The following CFAP54 variants were observed in gnomAD, a reference collection of about 807,000 sequenced individuals.
CFAP54 encodes the protein cilia and flagella associated protein 54.
CFAP54 carries 290 observed loss-of-function variants against 370.4 expected under a neutral mutation model. The ratio of observed to expected loss-of-function variants is 0.78; its 90% CI spans 0.71 to 0.86. The LOEUF (loss-of-function observed/expected upper bound fraction) is 0.86. Among genes scored for constraint, CFAP54 ranks in the 40% least tolerant of loss-of-function variants. The pLI is 0.00. For missense variants in CFAP54, 3,399 were observed against 3,528.7 expected, an observed-to-expected ratio of 0.96 and a Z score of 0.93; for synonymous variants, 1,206 against 1,236.5, an observed-to-expected ratio of 0.98 and a Z score of 0.52.
At chr12:96,527,722 C>T (rs1347362116) in intron 9 of CFAP54, among the ~76,000 whole-genome samples, 3 of 151,974 alleles carry the variant, frequency 2.0e-5, no homozygotes, top group Non-Finnish European at 4.4e-5. Context: ...GTGCATGCCA[C>T]CACACCTGGC....
intron 43 of CFAP54, among the ~76,000 whole-genome samples, chr12:96,689,430 G>T (rs1167253129): frequency 1.3e-5 from 2 of 152,086 alleles, no homozygotes; most frequent in Non-Finnish European, 2.9e-5. Flanking sequence ...CAAAGTGCTG[G>T]GATTATAGGC....
Position 96,873,370 on chromosome 12 carries a change from G to A in CFAP54, c.*15-1748G>A, listed in dbSNP as rs76647765. ...ATAATAGAAAATCTACCTTTAACTGGGTCATACACTAAAGGAAATTTATTT... is the reference window on the plus strand; with the variant it reads ...ATAATAGAAAATCTACCTTTAACTGAGTCATACACTAAAGGAAATTTATTT... On this transcript the variant is annotated intron_variant, in intron 67 of 67. Transcript: ENST00000524981. Among the ~76,000 whole-genome samples, 1,278 of 152,246 alleles carry A rather than the reference G, an allele frequency of 8.4e-3. 50 individuals carry two copies. The East Asian group carries it at 0.095, about 11-fold the overall frequency.
chr12:96,664,804 T>G (rs1565934611), intron 39 of CFAP54, among the ~76,000 whole-genome samples: 3,843 of 46,766 alleles, frequency 0.082, 324 homozygotes, highest in African/African-American at 0.22. Context: ...TATATATATA[T>G]ATATATATAG....
intron 47 of CFAP54, among the ~76,000 whole-genome samples, chr12:96,706,746 A>G (rs546319510): frequency 1.3e-5 from 2 of 152,064 alleles, no homozygotes; most frequent in East Asian, 1.9e-4. Flanking sequence ...AGTCAACCAT[A>G]ATACAAATTC....
At chr12:96,539,085 T>G (rs1057467058) in intron 13 of CFAP54, among the ~76,000 whole-genome samples, 6 of 143,804 alleles carry the variant, frequency 4.2e-5, no homozygotes, top group African/African-American at 1.6e-4. Context: ...TTTGTTTTTG[T>G]TTTTGAGATG....
intron 38 of CFAP54, among the ~76,000 whole-genome samples, chr12:96,662,062 G>A (rs775593297): frequency 2.0e-5 from 3 of 152,062 alleles, no homozygotes; most frequent in East Asian, 1.9e-4. Context: ...AGCACTGCTC[G>A]CTACCTCCAA....
intron 19 of CFAP54, among the ~76,000 whole-genome samples, chr12:96,572,666 AG>A (rs1224235555): frequency 6.6e-6 from 1 of 152,166 alleles, no homozygotes; most frequent in Non-Finnish European, 1.5e-5. Context: ...AGGAGGGAAA[AG>A]GAGATTTACT....
intron 67 of CFAP54, among the ~76,000 whole-genome samples, chr12:96,874,916 C>T (rs1010541845): frequency 2.0e-5 from 3 of 150,116 alleles, no homozygotes; most frequent in African/African-American, 7.4e-5. Flanking sequence ...CGCGCCCGGC[C>T]GGGATCTCTG....
intron 48 of CFAP54, among the ~76,000 whole-genome samples, chr12:96,716,139 C>T (rs1393052282): frequency 2.0e-5 from 3 of 152,116 alleles, no homozygotes; most frequent in African/African-American, 7.2e-5. Context: ...TTATTTAGTA[C>T]TAACTTTTTA....
At chr12:96,805,523 C>A (rs1958868483) in intron 63 of CFAP54, among the ~76,000 whole-genome samples, 2 of 146,650 alleles carry the variant, frequency 1.4e-5, no homozygotes, top group Admixed American at 6.8e-5. Flanking sequence ...ATTAAAATGA[C>A]AATAAGATGT....
In CFAP54 at chr12:96,866,180, C is replaced by A. The variant is rs1565767304; in HGVS notation, c.*14+5228C>A. Among the ~76,000 whole-genome samples, 9 of 152,178 alleles carry A rather than the reference C, an allele frequency of 5.9e-5. No homozygotes were observed. The South Asian group carries it at 1.9e-3, about 32-fold the overall frequency. On this transcript the variant is annotated intron_variant, in intron 67 of 67. Transcript: ENST00000524981. ...CTTTACTAACACTCATTTTCTATTT[C>A]TACTTTCCACTTCAGTAGAGCCTTA...
intron 63 of CFAP54, among the ~76,000 whole-genome samples, chr12:96,807,960 G>A (rs1958898512): frequency 6.6e-6 from 1 of 152,170 alleles, no homozygotes; most frequent in South Asian, 2.1e-4. Context: ...AGGCATGAAT[G>A]TTGACTTGCC....
chr12:96,824,559 T>C lies in CFAP54; in HGVS notation c.9097-4455T>C, dbSNP rs144558466. Among the ~76,000 whole-genome samples the C allele has an allele frequency of 5.3e-5, 8 of 152,296 alleles. No homozygotes were observed. In the East Asian group the frequency reaches 1.5e-3, roughly 29 times the overall value. Reference sequence around the variant, plus strand: ...TGGAAATACAGATAAATAAGGGGTATATAGGAGTGGATGTATGTTCCCCTC... The same window carrying C: ...TGGAAATACAGATAAATAAGGGGTACATAGGAGTGGATGTATGTTCCCCTC... On this transcript the variant is annotated intron_variant, in intron 65 of 67. Transcript: ENST00000524981.
intron 63 of CFAP54, among the ~76,000 whole-genome samples, chr12:96,808,698 T>C (rs965264183): frequency 2.6e-5 from 4 of 152,150 alleles, no homozygotes; most frequent in Non-Finnish European, 4.4e-5. Flanking sequence ...GTGAAGATAA[T>C]AGATCCAGCT....
At chr12:96,519,676 G>T (rs1955281529) in intron 6 of CFAP54, among the ~76,000 whole-genome samples, 1 of 152,012 alleles carries the variant, frequency 6.6e-6, no homozygotes, top group African/African-American at 2.4e-5. Flanking sequence ...AATAATAATT[G>T]TATATACTTA....
intron 14 of CFAP54, among the ~76,000 whole-genome samples, chr12:96,546,531 A>T (rs189790355): frequency 1.5e-3 from 227 of 152,228 alleles, no homozygotes; most frequent in African/African-American, 5.0e-3. Context: ...ATTACTTTTT[A>T]AAAATGTCTA....
intron 60 of CFAP54, among the ~76,000 whole-genome samples, chr12:96,766,550 G>A (rs991409569): frequency 6.6e-6 from 1 of 151,978 alleles, no homozygotes; most frequent in Non-Finnish European, 1.5e-5. Context: ...ACACATTATT[G>A]TACAGTATTA....
At chr12:96,712,410 T>C (rs1005714107) in intron 48 of CFAP54, among the ~76,000 whole-genome samples, 2 of 152,180 alleles carry the variant, frequency 1.3e-5, no homozygotes, top group Non-Finnish European at 2.9e-5. Context: ...TAATATGTAA[T>C]AGTTGTACAT....
chr12:96,553,562 A>G (rs1175525424), intron 15 of CFAP54, among the ~76,000 whole-genome samples: 3 of 88,810 alleles, frequency 3.4e-5, no homozygotes, highest in Non-Finnish European at 4.6e-5. Flanking sequence ...GTATAGTAAT[A>G]TATATAGTTA....
Sources: allele counts gnomAD v4.1 joint callset (sites outside exome capture counted in the v4.1 genomes callset), GRCh38; gene constraint gnomAD v4.1.1; transcripts MANE v1.5; gene names NCBI Gene and HGNC (gene_info 2026-07-23, HGNC 2026-07-21).